AXDND1: variants seen among roughly 807,000 people sequenced by gnomAD.
AXDND1 encodes the protein axonemal dynein light chain domain containing 1.
A neutral mutation model predicts 137.5 loss-of-function variants in AXDND1; 110 were observed. The ratio of observed to expected loss-of-function variants is 0.80; its 90% CI spans 0.69 to 0.94. The LOEUF (loss-of-function observed/expected upper bound fraction) is 0.94, where lower values mean the gene tolerates loss of function less well. AXDND1 is among the 40% of genes least tolerant of loss of function. The pLI, the probability that AXDND1 is intolerant of heterozygous loss-of-function variation, is 0.00. For synonymous variants in AXDND1, 414 were observed against 399.7 expected (o/e 1.04, Z -0.43); for missense variants, 1,191 against 1,169.8 (o/e 1.02, Z -0.26).
chr1:179,506,808 C>T (rs898907897), intron 20 of AXDND1: 1 of 976,110 alleles, frequency 1.0e-6, no homozygotes, highest in Non-Finnish European at 1.2e-6. Flanking sequence ...CCTTGGACCA[C>T]AATAGGCTTT....
At chr1:179,449,649 A>G (rs1660252430) in intron 16 of AXDND1, 1 of 151,888 alleles carries the variant, frequency 6.6e-6, no homozygotes, top group East Asian at 1.9e-4. Flanking sequence ...ATAAACATGG[A>G]TTTTTTTTCA....
intron 21 of AXDND1, among the ~76,000 whole-genome samples, chr1:179,524,539 T>G (rs746510113): frequency 2.6e-5 from 4 of 152,148 alleles, no homozygotes; most frequent in Non-Finnish European, 4.4e-5. Context: ...CCAAACCTAT[T>G]TATCCAGTTT....
chr1:179,461,580 C>A (rs539958794), intron 16 of AXDND1, among the ~76,000 whole-genome samples: 1 of 152,210 alleles, frequency 6.6e-6, no homozygotes, highest in East Asian at 1.9e-4. Flanking sequence ...TTTTCCAATT[C>A]TGTGAAGAAA....
At chr1:179,486,528 T>A (rs1039077668) in intron 18 of AXDND1, among the ~76,000 whole-genome samples, 2 of 126,022 alleles carry the variant, frequency 1.6e-5, no homozygotes, top group East Asian at 3.9e-4. Flanking sequence ...CACATAGTCA[T>A]CAGATTCTCC....
At chr1:179,491,513 T>G in intron 18 of AXDND1, 25 bp from the exon 19 acceptor site, 1 of 1,460,736 alleles carries the variant, frequency 6.8e-7, no homozygotes, top group Non-Finnish European at 9.4e-7. Context: ...AGTGGGTCAT[T>G]TGTATTATAC....
chr1:179,455,424 C>T (rs1169438033), intron 16 of AXDND1: 9 of 150,608 alleles, frequency 6.0e-5, no homozygotes, highest in Admixed American at 5.9e-4. Flanking sequence ...AATTCCGTCT[C>T]TACTACAAAT....
In AXDND1 at chr1:179,367,645, G is replaced by A. The variant is rs146626478; in HGVS notation, c.97+1039G>A. The stretch of plus-strand genomic sequence containing the variant: ...CCAGCTACTCGGCAGGCTGAGGCAG[G>A]AGAATCACTTGAACCCGGGAGGCAG... On this transcript the variant is annotated intron_variant, in intron 2 of 25. Coordinates refer to ENST00000367618, the MANE Select transcript of AXDND1 (RefSeq NM_144696.6). Among the ~76,000 whole-genome samples the A allele has an allele frequency of 8.9e-3, 1,352 of 152,264 alleles. 39 individuals carry two copies. The highest frequency in any genetic ancestry group is 0.056 in the Admixed American group (849 of 15,284).
chr1:179,467,372 T>C (rs1663349063), intron 16 of AXDND1, among the ~76,000 whole-genome samples: 1 of 152,106 alleles, frequency 6.6e-6, no homozygotes, highest in Non-Finnish European at 1.5e-5. Flanking sequence ...GGGTTCTGCA[T>C]CATCAGATTC....
intron 23 of AXDND1, among the ~76,000 whole-genome samples, chr1:179,529,600 C>T (rs1670867600): frequency 6.6e-6 from 1 of 152,134 alleles, no homozygotes; most frequent in Non-Finnish European, 1.5e-5. Flanking sequence ...AAGGAAGAAG[C>T]TTGGCTGGCA....
At chr1:179,423,709 TAA>T (rs928253733) in intron 12 of AXDND1, among the ~76,000 whole-genome samples, 1 of 152,038 alleles carries the variant, frequency 6.6e-6, no homozygotes, top group Admixed American at 6.6e-5. Context: ...AAGAAGCAAA[TAA>T]AAAATGAAAA....
chr1:179,420,620 T>C (rs550981373), intron 12 of AXDND1, among the ~76,000 whole-genome samples: 1 of 151,644 alleles, frequency 6.6e-6, no homozygotes, highest in African/African-American at 2.4e-5. Context: ...TTACTTGTTA[T>C]TGGTTTATTG....
At position 179,447,842 on chromosome 1, in the gene AXDND1, C is replaced by T. The variant is rs1659961897; in HGVS notation, c.1798+2638C>T. 3.1e-6 allele frequency: 4 copies of T among 1,311,356 alleles called. No individual in the cohort carries two copies. The East Asian group carries it at 9.2e-5, about 30-fold the overall frequency. 81.2% of individuals were successfully genotyped at this position (1,311,356 alleles called of 1,614,324 possible). On this transcript the variant is annotated intron_variant, in intron 16 of 25. Coordinates refer to ENST00000367618, the MANE Select transcript of AXDND1 (RefSeq NM_144696.6). ...GTGAAGTCTGTAGTGCCCAACATCCCACCTGCATTGCCAGTACTTGGTGGT... is the reference window on the plus strand; with the variant it reads ...GTGAAGTCTGTAGTGCCCAACATCCTACCTGCATTGCCAGTACTTGGTGGT...
intron 20 of AXDND1, among the ~76,000 whole-genome samples, chr1:179,497,593 C>T (rs1667572724): frequency 6.6e-6 from 1 of 152,144 alleles, no homozygotes; most frequent in African/African-American, 2.4e-5. Flanking sequence ...CCCTTGAGAA[C>T]TGGAACAAGA....
intron 16 of AXDND1, chr1:179,456,612 C>T (rs1661444604): frequency 1.2e-6 from 1 of 823,546 alleles, no homozygotes; most frequent in Admixed American, 1.8e-5. Flanking sequence ...CCCATTATAG[C>T]CATCCCCACT....
intron 21 of AXDND1, among the ~76,000 whole-genome samples, chr1:179,517,241 C>T (rs1054412451): frequency 3.9e-5 from 6 of 152,074 alleles, no homozygotes; most frequent in Non-Finnish European, 7.4e-5. Context: ...GGAAAGCAGG[C>T]GGTCACAGAC....
intron 17 of AXDND1, among the ~76,000 whole-genome samples, chr1:179,470,315 A>G (rs1663765651): frequency 6.6e-6 from 1 of 152,162 alleles, no homozygotes; most frequent in Non-Finnish European, 1.5e-5. Context: ...GCAATTCCGT[A>G]TAAATTTTAG....
At chr1:179,488,634 CCTTTCTTT>C (rs57848949) in intron 18 of AXDND1, among the ~76,000 whole-genome samples, 2,297 of 104,926 alleles carry the variant, frequency 0.022, 107 homozygotes, top group Middle Eastern at 0.03. Flanking sequence ...CTCTCTCTCT[CCTTTCTTT>C]CTTTCTTTCT....
chr1:179,512,186 A>G (rs1018432107), intron 21 of AXDND1, among the ~76,000 whole-genome samples: 4 of 152,188 alleles, frequency 2.6e-5, no homozygotes, highest in Non-Finnish European at 5.9e-5. Flanking sequence ...TAGAATTTTT[A>G]TAGTTTCAGG....
At chr1:179,471,060 G>A (rs1663867934) in intron 17 of AXDND1, among the ~76,000 whole-genome samples, 1 of 151,878 alleles carries the variant, frequency 6.6e-6, no homozygotes, top group Non-Finnish European at 1.5e-5. Flanking sequence ...TGTCTTTTTG[G>A]ATATTAAATT....
Sources: allele counts gnomAD v4.1 joint callset (sites outside exome capture counted in the v4.1 genomes callset), GRCh38; gene constraint gnomAD v4.1.1; transcripts MANE v1.5; gene names NCBI Gene and HGNC (gene_info 2026-07-23, HGNC 2026-07-21).